SENP2: variants seen among roughly 807,000 people sequenced by gnomAD.
SENP2 encodes the protein sentrin-specific protease 2.
A neutral mutation model predicts 86.3 loss-of-function variants in SENP2; 16 were observed. The ratio of observed to expected loss-of-function variants is 0.19; its 90% CI spans 0.13 to 0.28. SENP2 has a LOEUF of 0.28. SENP2 is among the 10% of genes least tolerant of loss of function. SENP2 has a pLI of 1.00. For missense variants in SENP2, 552 were observed against 703.0 expected (o/e 0.79, Z 2.43); for synonymous variants, 222 against 238.7 (o/e 0.93, Z 0.64).
At chr3:185,590,844 G>T (rs1182378457) in intron 2 of SENP2, among the ~76,000 whole-genome samples, 1 of 127,030 alleles carries the variant, frequency 7.9e-6, no homozygotes, top group Non-Finnish European at 1.7e-5. Flanking sequence ...CTCCAGCCTG[G>T]GCGACAGAGC....
At chr3:185,615,525 G>A (rs2148991450) in intron 11 of SENP2, among the ~76,000 whole-genome samples, 1 of 152,106 alleles carries the variant, frequency 6.6e-6, no homozygotes, top group Non-Finnish European at 1.5e-5. Flanking sequence ...TGTATTTTTA[G>A]TAGAGACCGG....
At chr3:185,629,496 C>T (rs977414369) in intron 16 of SENP2, among the ~76,000 whole-genome samples, 20 of 151,528 alleles carry the variant, frequency 1.3e-4, no homozygotes, top group African/African-American at 4.6e-4. Flanking sequence ...AAGAATCGCT[C>T]GAACCCAGGA....
At chr3:185,628,623 C>T (rs1712262612) in intron 16 of SENP2, among the ~76,000 whole-genome samples, 1 of 152,210 alleles carries the variant, frequency 6.6e-6, no homozygotes. Flanking sequence ...TCTTCCGCTT[C>T]AGCCTCCCAA....
chr3:185,606,664 A>G (rs902933528), intron 6 of SENP2, 166 bp downstream of exon 6: 1 of 609,234 alleles, frequency 1.6e-6, no homozygotes, highest in African/African-American at 1.8e-5. Context: ...TGCACCAAAA[A>G]TCTGCATGCA....
intron 11 of SENP2, 90 bp from the exon 12 acceptor site, chr3:185,617,390 A>G (rs1437392041): frequency 1.9e-6 from 2 of 1,065,228 alleles, no homozygotes; most frequent in African/African-American, 3.2e-5. Flanking sequence ...TGTTGCCGAG[A>G]TGAAAAACTT....
intron 10 of SENP2, 173 bp downstream of exon 10, chr3:185,613,581 A>G (rs1577734426): frequency 2.3e-6 from 1 of 428,298 alleles, no homozygotes; most frequent in East Asian, 4.3e-5. Flanking sequence ...CTGTAATCCC[A>G]GAACTTTAGG....
At chr3:185,612,328 A>G (rs1442086085) in intron 8 of SENP2, 1 of 296,240 alleles carries the variant, frequency 3.4e-6, no homozygotes, top group African/African-American at 2.1e-5. Flanking sequence ...TTATATAACA[A>G]TTTCCTTATA....
intron 15 of SENP2, 82 bp downstream of exon 15, chr3:185,624,164 C>A: frequency 1.2e-6 from 1 of 830,028 alleles, no homozygotes; most frequent in Admixed American, 2.2e-5. Context: ...CCTTCCTGCC[C>A]TTCCTCCCTC....
At chr3:185,592,906 C>T (rs1302761548) in intron 2 of SENP2, among the ~76,000 whole-genome samples, 1 of 152,116 alleles carries the variant, frequency 6.6e-6, no homozygotes, top group Non-Finnish European at 1.5e-5. Flanking sequence ...CGTGAGCCAC[C>T]GTGCCCGGCC....
In SENP2 at chr3:185,629,864, T is replaced by G; in HGVS notation, c.*20T>G. 6.2e-7 allele frequency: 1 copy of G among 1,612,438 alleles called. No homozygotes were observed. Among genetic ancestry groups the G allele is most frequent in the Non-Finnish European group, 8.5e-7 (1 of 1,178,514 alleles). ...CTGTGAGAAAACTTTGCCTGGTCCCTCTAGCTGCTGGTGGTTCTTTCACAG... is the reference window on the plus strand; with the variant it reads ...CTGTGAGAAAACTTTGCCTGGTCCCGCTAGCTGCTGGTGGTTCTTTCACAG... On this transcript the variant is annotated 3_prime_UTR_variant, in exon 17 of 17. Transcript: ENST00000296257.
Position 185,621,885 on chromosome 3 carries a change from C to T in SENP2, c.1506C>T (p.His502=), listed in dbSNP as rs1711905435. The T allele has an allele frequency of 6.2e-7, 1 of 1,611,442 alleles. No individual in the cohort carries two copies. The highest frequency in any genetic ancestry group is 8.5e-7 in the Non-Finnish European group (1 of 1,178,146). The part of the protein sequence containing the change: ...KYLDSMGQKG[H]RICEILLQYL... The stretch of plus-strand genomic sequence containing the variant: ...TGGATTCTATGGGACAAAAGGGCCA[C>T]AGGATCTGTGAGATTCTCCTGTAAG... The change falls in exon 14 of 17, where the codon CAC becomes CAT. Residue 502 remains histidine, a synonymous_variant. Transcript: ENST00000296257.
chr3:185,590,805 G>C (rs1243817997), intron 2 of SENP2, among the ~76,000 whole-genome samples: 2 of 97,244 alleles, frequency 2.1e-5, no homozygotes, highest in Non-Finnish European at 3.8e-5. Context: ...AGGTTGCAGT[G>C]AGCCAAGAAT....
chr3:185,619,567 C>T (rs1711760310), intron 13 of SENP2, 65 bp downstream of exon 13: 1 of 1,251,596 alleles, frequency 8.0e-7, no homozygotes, highest in African/African-American at 1.5e-5. Flanking sequence ...AAAAATAATG[C>T]TGCCTTTTTC....
At chr3:185,618,918 A>C (rs979464963) in intron 12 of SENP2, among the ~76,000 whole-genome samples, 16 of 152,132 alleles carry the variant, frequency 1.1e-4, no homozygotes, top group African/African-American at 3.6e-4. Context: ...ATAAAATATT[A>C]TTTTGGTGTA....
chr3:185,605,292 A>C (rs977151033), intron 5 of SENP2, among the ~76,000 whole-genome samples: 1 of 151,428 alleles, frequency 6.6e-6, no homozygotes, highest in Non-Finnish European at 1.5e-5. Context: ...AATTGCTTGA[A>C]CCTGGGAGGT....
At chr3:185,594,370 G>A (rs539186655) in intron 2 of SENP2, among the ~76,000 whole-genome samples, 1 of 152,242 alleles carries the variant, frequency 6.6e-6, no homozygotes, top group South Asian at 2.1e-4. Flanking sequence ...GTTTGTAAAG[G>A]CCTGTAAAGT....
rs746547499 is a variant in SENP2, at chr3:185,586,367, G to A, written c.-47G>A. 530 of 1,611,532 alleles carry A rather than the reference G, an allele frequency of 3.3e-4. No individual in the cohort carries two copies. Among genetic ancestry groups the A allele is most frequent in the Non-Finnish European group, 4.1e-4 (486 of 1,179,018 alleles). On this transcript the variant is annotated 5_prime_UTR_variant, in exon 1 of 17. Coordinates refer to ENST00000296257, the MANE Select transcript of SENP2 (RefSeq NM_021627.3). The surrounding 1 kb of genome is among the most constrained non-coding windows in gnomAD (Gnocchi z 4.3). ...CGGCAGCGGCGGCGACAGCTCTGGGGTTTGCGTCTCGGGGTGTGTCGGCCG... is the reference window on the plus strand; with the variant it reads ...CGGCAGCGGCGGCGACAGCTCTGGGATTTGCGTCTCGGGGTGTGTCGGCCG...
intron 1 of SENP2, among the ~76,000 whole-genome samples, chr3:185,589,137 A>G (rs1355416904): frequency 6.6e-6 from 1 of 152,002 alleles, no homozygotes; most frequent in Admixed American, 6.6e-5. Flanking sequence ...GATGAGTAAT[A>G]TACTATGACC....
intron 5 of SENP2, among the ~76,000 whole-genome samples, chr3:185,601,917 C>T (rs774114598): frequency 2.0e-5 from 3 of 152,110 alleles, no homozygotes; most frequent in Admixed American, 1.3e-4. Context: ...GGATTACAGG[C>T]GTGAGCCACT....
Sources: allele counts gnomAD v4.1 joint callset (sites outside exome capture counted in the v4.1 genomes callset), GRCh38; gene constraint gnomAD v4.1.1; non-coding constraint Gnocchi (gnomAD v3.1); transcripts MANE v1.5; gene names NCBI Gene and HGNC (gene_info 2026-07-23, HGNC 2026-07-21).